CR1L: variants seen among roughly 807,000 people sequenced by gnomAD.
CR1L encodes complement C3b/C4b receptor 1 like, also known as complement component receptor 1-like protein.
CR1L carries 59 observed loss-of-function variants against 62.3 expected under a neutral mutation model. The observed-to-expected ratio is 0.95, with a 90% CI of 0.77 to 1.18. CR1L has a LOEUF of 1.18. CR1L is among the 50% of genes most tolerant of loss of function. The pLI, the probability that CR1L is intolerant of heterozygous loss-of-function variation, is 0.00. For missense variants in CR1L, 700 were observed against 702.8 expected (o/e 1.00, Z 0.04); for synonymous variants, 279 against 248.7 (o/e 1.12, Z -1.15).
intron 11 of CR1L, among the ~76,000 whole-genome samples, chr1:207,720,603 G>C (rs1571540933): frequency 1.3e-5 from 2 of 152,152 alleles, no homozygotes; most frequent in South Asian, 4.1e-4. Context: ...TCAGAGGCCT[G>C]ATTCATTTCA....
chr1:207,681,888 T>C (rs573668646), intron 3 of CR1L, among the ~76,000 whole-genome samples: 1 of 152,094 alleles, frequency 6.6e-6, no homozygotes, highest in African/African-American at 2.4e-5. Context: ...AATGCTTTCA[T>C]TTTTGGTGGT....
chr1:207,698,900 T>G (rs907527647), intron 7 of CR1L, among the ~76,000 whole-genome samples: 5 of 152,184 alleles, frequency 3.3e-5, no homozygotes, highest in African/African-American at 1.2e-4. Context: ...CAATGAGTAA[T>G]CAGTGAAACT....
intron 1 of CR1L, among the ~76,000 whole-genome samples, chr1:207,660,694 A>G (rs1663406302): frequency 3.3e-5 from 5 of 152,058 alleles, no homozygotes; most frequent in Admixed American, 2.6e-4. Flanking sequence ...TAGCTTTTGA[A>G]TGTGTTTGCT....
At chr1:207,659,022 G>T (rs1663362777) in intron 1 of CR1L, 1 of 152,488 alleles carries the variant, frequency 6.6e-6, no homozygotes, top group African/African-American at 2.4e-5. Flanking sequence ...CACCAAGCTG[G>T]GCCCCTGCAA....
At chr1:207,683,774 T>A in intron 3 of CR1L, 98 bp from the exon 4 acceptor site, 1 of 1,155,452 alleles carries the variant, frequency 8.7e-7, no homozygotes, top group Non-Finnish European at 1.2e-6. Context: ...AAAATGTCCC[T>A]CTGAATTCTA....
chr1:207,670,651 T>A (rs1160375918), intron 1 of CR1L, among the ~76,000 whole-genome samples: 1 of 151,074 alleles, frequency 6.6e-6, no homozygotes, highest in Non-Finnish European at 1.5e-5. Flanking sequence ...GTGTTCCTTC[T>A]TCTCTAAAAG....
chr1:207,686,455 T>A (rs1410497506), intron 4 of CR1L, among the ~76,000 whole-genome samples: 3 of 152,102 alleles, frequency 2.0e-5, no homozygotes, highest in Non-Finnish European at 4.4e-5. Context: ...TATCGAGCAC[T>A]TTAGTTATAT....
intron 1 of CR1L, among the ~76,000 whole-genome samples, chr1:207,677,004 G>A (rs1418884680): frequency 6.6e-6 from 1 of 152,044 alleles, no homozygotes; most frequent in Non-Finnish European, 1.5e-5. Flanking sequence ...TCACATCTAT[G>A]CAGTATATTT....
chr1:207,680,661 C>T (rs1571516483), intron 3 of CR1L, among the ~76,000 whole-genome samples: 1 of 152,162 alleles, frequency 6.6e-6, no homozygotes, highest in South Asian at 2.1e-4. Context: ...GCTGGGAGAA[C>T]TTTAAATTAT....
chr1:207,672,031 C>T (rs1571511235), intron 1 of CR1L, among the ~76,000 whole-genome samples: 1 of 150,720 alleles, frequency 6.6e-6, no homozygotes, highest in Non-Finnish European at 1.5e-5. Flanking sequence ...CATATTAAAC[C>T]AACTATATCA....
chr1:207,721,228 C>T (rs1654129910), intron 11 of CR1L, among the ~76,000 whole-genome samples: 1 of 151,924 alleles, frequency 6.6e-6, no homozygotes, highest in South Asian at 2.1e-4. Context: ...TTTTAGGATA[C>T]ATGTGCACAT....
chr1:207,688,268 C>T (rs1663941281), intron 4 of CR1L, among the ~76,000 whole-genome samples: 1 of 152,004 alleles, frequency 6.6e-6, no homozygotes, highest in African/African-American at 2.4e-5. Flanking sequence ...AGAGTGAGAC[C>T]CTGTTTCTTA....
intron 3 of CR1L, among the ~76,000 whole-genome samples, chr1:207,682,002 G>C (rs891691728): frequency 1.3e-5 from 2 of 151,988 alleles, no homozygotes; most frequent in Admixed American, 6.6e-5. Context: ...GTTGGTGGGT[G>C]GGGGGCTAGG....
chr1:207,648,029 T>A (rs576687394), intron 1 of CR1L, among the ~76,000 whole-genome samples: 4 of 152,180 alleles, frequency 2.6e-5, no homozygotes, highest in African/African-American at 9.6e-5. Context: ...CCAGGTGTGA[T>A]GTTGCATGCC....
chr1:207,656,754 C>T (rs1663318039), intron 1 of CR1L, among the ~76,000 whole-genome samples: 1 of 152,150 alleles, frequency 6.6e-6, no homozygotes, highest in Admixed American at 6.5e-5. Context: ...ACGAGAACAG[C>T]ACCAAGGGGA....
intron 4 of CR1L, among the ~76,000 whole-genome samples, chr1:207,684,810 G>C (rs766165448): frequency 5.1e-4 from 77 of 152,178 alleles, no homozygotes; most frequent in Non-Finnish European, 9.1e-4. Context: ...GCCAGGCTGA[G>C]GCTGAGAGAA....
chr1:207,658,021 C>T (rs1425577631), intron 1 of CR1L, among the ~76,000 whole-genome samples: 1 of 152,094 alleles, frequency 6.6e-6, no homozygotes, highest in Non-Finnish European at 1.5e-5. Context: ...ACAAGACACT[C>T]CTAAATAATC....
intron 11 of CR1L, among the ~76,000 whole-genome samples, chr1:207,721,211 CTTTAAG>C (rs1044046011): frequency 1.1e-4 from 16 of 151,718 alleles, no homozygotes; most frequent in African/African-American, 3.9e-4. Context: ...TTTTATTATA[CTTTAAG>C]TTTTAGGATA....
intron 10 of CR1L, chr1:207,710,806 A>G: frequency 1.3e-6 from 2 of 1,546,244 alleles, no homozygotes; most frequent in Admixed American, 1.7e-5. Context: ...TGAGGCCTAG[A>G]AGGGCCCTGC....
Sources: gnomAD v4.1 joint callset for allele counts (sites outside exome capture counted in the v4.1 genomes callset) on GRCh38, gnomAD v4.1.1 for gene constraint, MANE v1.5 for transcripts, NCBI Gene and HGNC (gene_info 2026-07-23, HGNC 2026-07-21) for gene names.